Variants in MIPEP observed in about 807,000 individuals in gnomAD.
MIPEP encodes the protein mitochondrial intermediate peptidase.
MIPEP carries 79 observed loss-of-function variants against 90.3 expected under a neutral mutation model. That is an observed-to-expected ratio of 0.87 (90% CI 0.73 to 1.05). The LOEUF is 1.05. MIPEP is among the 50% of genes least tolerant of loss of function. The pLI, the probability that MIPEP is intolerant of heterozygous loss-of-function variation, is 0.00. For missense variants in MIPEP, 940 were observed against 905.6 expected (o/e 1.04, Z -0.49); for synonymous variants, 334 against 315.8 (o/e 1.06, Z -0.61).
intron 16 of MIPEP, among the ~76,000 whole-genome samples, chr13:23,781,524 T>C (rs1227619242): frequency 1.3e-5 from 2 of 152,146 alleles, no homozygotes; most frequent in Non-Finnish European, 2.9e-5. Flanking sequence ...AGACCATCGA[T>C]GCTAGGAAGA....
intron 18 of MIPEP, among the ~76,000 whole-genome samples, chr13:23,743,431 C>T (rs1952352259): frequency 6.6e-6 from 1 of 152,194 alleles, no homozygotes; most frequent in African/African-American, 2.4e-5. Context: ...AGGTGGATTC[C>T]CTCTATCTAC....
At chr13:23,813,316 C>T (rs1953194940) in intron 14 of MIPEP, among the ~76,000 whole-genome samples, 1 of 152,126 alleles carries the variant, frequency 6.6e-6, no homozygotes, top group Admixed American at 6.6e-5. Flanking sequence ...CCCTGGTATA[C>T]ATGGGGGAAC....
intron 7 of MIPEP, 90 bp from the exon 8 acceptor site, chr13:23,864,279 T>C: frequency 2.2e-6 from 2 of 890,254 alleles, no homozygotes; most frequent in Non-Finnish European, 3.4e-6. Context: ...TCATAATCTA[T>C]ATCCCACAAT....
At chr13:23,775,626 T>C (rs1952707045) in intron 16 of MIPEP, among the ~76,000 whole-genome samples, 2 of 152,266 alleles carry the variant, frequency 1.3e-5, no homozygotes, top group South Asian at 4.2e-4. Flanking sequence ...CCAAAAAAAG[T>C]TACATTCATT....
intron 18 of MIPEP, among the ~76,000 whole-genome samples, chr13:23,740,735 C>T (rs1179249168): frequency 6.6e-6 from 1 of 152,166 alleles, no homozygotes; most frequent in Non-Finnish European, 1.5e-5. Context: ...ACTGGAAAAG[C>T]AGGGGTTGTT....
At chr13:23,762,602 C>T (rs1033826911) in intron 16 of MIPEP, among the ~76,000 whole-genome samples, 13 of 152,266 alleles carry the variant, frequency 8.5e-5, no homozygotes, top group African/African-American at 2.2e-4. Context: ...GTCAGGTGGG[C>T]GCCTTGTGAG....
Position 23,869,338 on chromosome 13 carries a change from G to A in MIPEP, c.897C>T (p.Ser299=), listed in dbSNP as rs755508700. Residue 299 remains serine (S), a synonymous_variant, in exon 7 of 19, where the codon TCC becomes TCT. Coordinates refer to ENST00000382172, the MANE Select transcript of MIPEP (RefSeq NM_005932.4). ...RDLLAKLVGY[S]TFSHRALQGT... ...CTTGGAGAGCCCTGTGAGAAAACGT[G>A]GAATACCCCACCAACTTTGCCAGAA... 2 of 1,612,338 alleles carry A rather than the reference G, an allele frequency of 1.2e-6. No individual in the cohort carries two copies. The highest frequency in any genetic ancestry group is 1.7e-5 in the Admixed American group (1 of 59,500).
intron 14 of MIPEP, among the ~76,000 whole-genome samples, chr13:23,820,902 T>C (rs1433800078): frequency 6.6e-6 from 1 of 152,206 alleles, no homozygotes; most frequent in Non-Finnish European, 1.5e-5. Context: ...GTCTCCTCAA[T>C]GCATTAGCAG....
intron 1 of MIPEP, among the ~76,000 whole-genome samples, chr13:23,887,500 T>C (rs1871552133): frequency 6.6e-6 from 1 of 152,220 alleles, no homozygotes; most frequent in African/African-American, 2.4e-5. Flanking sequence ...ACCCGCTCTG[T>C]ACATCTGTAA....
At chr13:23,743,246 A>T (rs774652060) in intron 18 of MIPEP, among the ~76,000 whole-genome samples, 9 of 149,968 alleles carry the variant, frequency 6.0e-5, no homozygotes, top group Non-Finnish European at 1.3e-4. Context: ...CTGATTAAGA[A>T]TTGTAGCTAC....
intron 14 of MIPEP, among the ~76,000 whole-genome samples, chr13:23,834,147 C>T (rs1309761156): frequency 1.3e-5 from 2 of 152,080 alleles, no homozygotes; most frequent in South Asian, 2.1e-4. Flanking sequence ...GGAGAGGGGC[C>T]GAGCCCCCGG....
intron 5 of MIPEP, among the ~76,000 whole-genome samples, chr13:23,871,087 TG>T (rs1237104370): frequency 6.6e-6 from 1 of 152,164 alleles, no homozygotes; most frequent in Non-Finnish European, 1.5e-5. Context: ...AATGATACAG[TG>T]AAGTCTAAGA....
At chr13:23,770,925 C>T (rs1283719989) in intron 16 of MIPEP, among the ~76,000 whole-genome samples, 1 of 152,220 alleles carries the variant, frequency 6.6e-6, no homozygotes, top group Non-Finnish European at 1.5e-5. Flanking sequence ...CCACCCTTTC[C>T]TCTGTACCTC....
intron 18 of MIPEP, among the ~76,000 whole-genome samples, chr13:23,749,935 TTTCAATCTCACC>T (rs1952423188): frequency 6.6e-6 from 1 of 152,188 alleles, no homozygotes; most frequent in East Asian, 1.9e-4. Context: ...AATACTCCTC[TTTCAATCTCACC>T]TCCGTGCCCC....
chr13:23,777,643 TTA>T (rs1009671340), intron 16 of MIPEP, among the ~76,000 whole-genome samples: 3 of 152,172 alleles, frequency 2.0e-5, no homozygotes, highest in African/African-American at 7.2e-5. Flanking sequence ...AAAAATAAGA[TTA>T]GAGTGTTTTG....
In MIPEP at chr13:23,889,314, A is replaced by C. The variant is rs1232139513; in HGVS notation, c.7T>G (p.Cys3Gly). ML[C>G]VGRLGGLGAR... ...CCCAAGCCGCCCAGCCTTCCGACGC[A>C]CAGCATTCTAGCACCAGAGCAGTCC... Residue 3 changes from cysteine to glycine, a missense_variant, in exon 1 of 19, where the codon TGC becomes GGC. Physicochemically the swap from Cys to Gly is radical, Grantham distance 159. Coordinates refer to ENST00000382172, the MANE Select transcript of MIPEP (RefSeq NM_005932.4). 6 of 1,346,746 alleles carry C rather than the reference A, an allele frequency of 4.5e-6. No homozygotes were observed. Among genetic ancestry groups the C allele is most frequent in the Non-Finnish European group, 5.7e-6 (6 of 1,047,920 alleles). The allele number at this position is 1,346,746 out of a possible 1,614,324, so 83.4% of individuals were successfully genotyped here. A position where few individuals can be genotyped will look rare whatever the true frequency, so the allele number is the denominator to read the frequency against.
intron 8 of MIPEP, among the ~76,000 whole-genome samples, chr13:23,863,430 A>T (rs1220111299): frequency 6.6e-6 from 1 of 152,222 alleles, no homozygotes; most frequent in African/African-American, 2.4e-5. Context: ...ATGTCATGTG[A>T]TAGGTTGCAG....
chr13:23,772,095 C>T (rs1230203346), intron 16 of MIPEP, among the ~76,000 whole-genome samples: 2 of 152,200 alleles, frequency 1.3e-5, no homozygotes, highest in African/African-American at 4.8e-5. Context: ...ATTAACTGCA[C>T]ATTCTAAAGG....
At chr13:23,861,363 C>A (rs1317678885) in intron 9 of MIPEP, among the ~76,000 whole-genome samples, 1 of 152,148 alleles carries the variant, frequency 6.6e-6, no homozygotes, top group Non-Finnish European at 1.5e-5. Context: ...TACCTATTAT[C>A]TGGTTTCCCA....
Sources: gnomAD v4.1 joint callset for allele counts (sites outside exome capture counted in the v4.1 genomes callset) on GRCh38, gnomAD v4.1.1 for gene constraint, MANE v1.5 for transcripts, NCBI Gene and HGNC (gene_info 2026-07-23, HGNC 2026-07-21) for gene names.